The following PRDM15 variants were observed in gnomAD, a reference collection of about 807,000 sequenced individuals.
PRDM15 encodes PR/SET domain 15.
A neutral mutation model predicts 128.6 loss-of-function variants in PRDM15; 64 were observed. The ratio of observed to expected loss-of-function variants is 0.50; its 90% CI spans 0.41 to 0.61. The LOEUF (loss-of-function observed/expected upper bound fraction) is 0.61. Among genes scored for constraint, PRDM15 ranks in the 20% least tolerant of loss-of-function variants. The probability of loss-of-function intolerance (pLI) is 0.00; values close to 1 mark genes in which losing one functional copy is unlikely to be tolerated. For synonymous variants in PRDM15, 615 were observed against 621.8 expected (o/e 0.99, Z 0.16); for missense variants, 1,242 against 1,569.1 (o/e 0.79, Z 3.52).
At chr21:41,805,846 C>T (rs963544461) in intron 21 of PRDM15, among the ~76,000 whole-genome samples, 8 of 150,176 alleles carry the variant, frequency 5.3e-5, no homozygotes, top group Non-Finnish European at 8.9e-5. Context: ...ACCAACACAA[C>T]CACCTCCATC....
rs1350475346 is a variant in PRDM15 at position 41,836,607 on chromosome 21, GCTC to G, written c.1041_1043del (p.Arg347del). 1.9e-6 allele frequency: 3 copies of G among 1,613,186 alleles called. No individual in the cohort carries two copies. The highest frequency in any genetic ancestry group is 2.5e-6 in the Non-Finnish European group (3 of 1,179,702). ...TGCCGTGTCTGCTTGAGAGAATTAAGCTCCTCTTGAGCGTGATGGTGTTATTCT... is the reference window on the plus strand; with the variant it reads ...TGCCGTGTCTGCTTGAGAGAATTAAGCTCTTGAGCGTGATGGTGTTATTCT... On this transcript the variant is annotated inframe_deletion, in exon 9 of 24. Transcript: ENST00000398548.
chr21:41,876,289 T>C (rs1013651696), intron 1 of PRDM15, among the ~76,000 whole-genome samples: 6 of 152,172 alleles, frequency 3.9e-5, no homozygotes, highest in Admixed American at 6.5e-5. Context: ...TCAGTTCACA[T>C]AGCATGGACA....
At position 41,821,519 on chromosome 21, in the gene PRDM15, G is replaced by GGGA. The variant is rs550633583; in HGVS notation, c.1897-292_1897-290dup. ...CTCGTGAGGGCTTCAGGCCTCAGCA[G>GGGA]GGAGGAGGAGGGGGAGGAGAGAAGG... On this transcript the variant is annotated intron_variant, in intron 15 of 23. Transcript: ENST00000398548. The surrounding 1 kb of genome is among the most constrained non-coding windows in gnomAD (Gnocchi z 5.4). 6.6e-6 allele frequency among the ~76,000 whole-genome samples: 1 copy of GGGA among 152,132 alleles called. No individual in the cohort carries two copies. The highest frequency in any genetic ancestry group is 1.5e-5 in the Non-Finnish European group (1 of 68,016).
intron 5 of PRDM15, among the ~76,000 whole-genome samples, chr21:41,850,855 T>C (rs922166982): frequency 2.0e-5 from 3 of 152,238 alleles, no homozygotes; most frequent in Non-Finnish European, 4.4e-5. Flanking sequence ...AAGTTTTCTC[T>C]GTATTTAGAA....
At chr21:41,836,376 G>A (rs556782452) in intron 9 of PRDM15, 92 bp downstream of exon 9, 105 of 1,397,938 alleles carry the variant, frequency 7.5e-5, no homozygotes, top group Admixed American at 1.2e-4. Context: ...CGTGGGAGAC[G>A]ACCCAAGGAG....
rs1375067362 is a variant in PRDM15 at position 41,858,534 on chromosome 21, T to G, written c.131+1058A>C. The stretch of plus-strand genomic sequence containing the variant: ...AGGCCCCTCCGACAGAGGCGGACAT[T>G]GGGTGCCCAGAGCACAGGCCTCTCC... On this transcript the variant is annotated intron_variant, in intron 3 of 23. Transcript: ENST00000398548. Among the ~76,000 whole-genome samples, 7 of 132,048 alleles carry G rather than the reference T, an allele frequency of 5.3e-5. No individual in the cohort carries two copies. In the East Asian group the frequency reaches 7.2e-4, roughly 14 times the overall value. 86.6% of individuals were successfully genotyped at this position (132,048 alleles called of 152,430 possible).
rs2063534034 is a variant in PRDM15 at position 41,854,891 on chromosome 21, G to A, written c.286-73C>T. ...CCATCTGTGTATCAGCGTGTGGGGG[G>A]CAGGTGCTGAGGAACCCATCTAGAC... On this transcript the variant is annotated intron_variant, in intron 4 of 23. Coordinates refer to ENST00000398548, the MANE Select transcript of PRDM15 (RefSeq NM_001040424.3). The surrounding 1 kb of genome is among the most constrained non-coding windows in gnomAD (Gnocchi z 4.6). 5.3e-6 allele frequency: 8 copies of A among 1,517,768 alleles called. No individual in the cohort carries two copies. The highest frequency in any genetic ancestry group is 7.1e-6 in the Non-Finnish European group (8 of 1,126,620). 94.0% of individuals were successfully genotyped at this position (1,517,768 alleles called of 1,614,324 possible). A position where few individuals can be genotyped will look rare whatever the true frequency, so the allele number is the denominator to read the frequency against.
At chr21:41,834,357 G>C in intron 11 of PRDM15, 1 of 709,812 alleles carries the variant, frequency 1.4e-6, no homozygotes, top group African/African-American at 1.7e-5. Flanking sequence ...ATGTGCGACA[G>C]CCCTGGTCAG....
intron 1 of PRDM15, among the ~76,000 whole-genome samples, chr21:41,874,525 A>ATATATATATTTTT: frequency 5.7e-4 from 55 of 95,808 alleles, no homozygotes; most frequent in Non-Finnish European, 8.8e-4. Flanking sequence ...ATATATATAT[A>ATATATATATTTTT]TTTTTTTTTT....
At chr21:41,866,854 A>G (rs180995939) in intron 1 of PRDM15, among the ~76,000 whole-genome samples, 1,548 of 152,310 alleles carry the variant, frequency 0.01, 21 homozygotes, top group African/African-American at 0.035. Context: ...GGTAGAGCCC[A>G]GATCCGGCTG....
intron 11 of PRDM15, among the ~76,000 whole-genome samples, chr21:41,835,236 C>CT (rs1251092570): frequency 6.6e-6 from 1 of 152,202 alleles, no homozygotes; most frequent in Non-Finnish European, 1.5e-5. Context: ...AAATCAATCC[C>CT]TTTTTACTGG....
Position 41,821,825 on chromosome 21 carries a change from C to A in PRDM15, c.1896+78G>T. The A allele has an allele frequency of 6.4e-7, 1 of 1,566,540 alleles. No homozygotes were observed. Among genetic ancestry groups the A allele is most frequent in the South Asian group, 1.1e-5 (1 of 89,622 alleles). ...CTTCCGAGATGCATGAAGGTGCCTG[C>A]TGTGTGGGGCCCACAGCCTTGAAAC... On this transcript the variant is annotated intron_variant, in intron 15 of 23. Coordinates refer to ENST00000398548, the MANE Select transcript of PRDM15 (RefSeq NM_001040424.3). This position sits in a 1 kb window ranked among gnomAD's most constrained non-coding sequence, Gnocchi z 5.4.
intron 13 of PRDM15, among the ~76,000 whole-genome samples, chr21:41,825,132 G>A (rs1215148545): frequency 6.6e-6 from 1 of 152,252 alleles, no homozygotes; most frequent in African/African-American, 2.4e-5. Context: ...TTTGCATCCT[G>A]TGAGGGACAG....
At chr21:41,808,240 T>G (rs2061743205) in intron 21 of PRDM15, among the ~76,000 whole-genome samples, 1 of 152,134 alleles carries the variant, frequency 6.6e-6, no homozygotes, top group Non-Finnish European at 1.5e-5. Flanking sequence ...CGCTTCGGGT[T>G]CCTACTCCCC....
Position 41,859,141 on chromosome 21 carries a change from C to G in PRDM15, c.131+451G>C. The G allele has an allele frequency of 6.2e-7, 1 of 1,613,362 alleles. No homozygotes were observed. Among genetic ancestry groups the G allele is most frequent in the Non-Finnish European group, 8.5e-7 (1 of 1,179,910 alleles). On this transcript the variant is annotated intron_variant, in intron 3 of 23. Coordinates refer to ENST00000398548, the MANE Select transcript of PRDM15 (RefSeq NM_001040424.3). This position sits in a 1 kb window ranked among gnomAD's most constrained non-coding sequence, Gnocchi z 5.3. Reference sequence around the variant, plus strand: ...GGCCTGCAGGGACTGCTTCTGGAAGCTGCTGTGGGTCAGCCCTGTCCCTGT... The same window carrying G: ...GGCCTGCAGGGACTGCTTCTGGAAGGTGCTGTGGGTCAGCCCTGTCCCTGT...
intron 1 of PRDM15, 63 bp from the exon 2 acceptor site, chr21:41,860,435 T>G: frequency 4.1e-6 from 6 of 1,476,420 alleles, no homozygotes; most frequent in Non-Finnish European, 5.7e-6. Context: ...TTGTTTTGTT[T>G]TTGAAATTGA....
chr21:41,836,025 T>A (rs1406996518), intron 10 of PRDM15, 88 bp downstream of exon 10: 3 of 591,120 alleles, frequency 5.1e-6, no homozygotes, highest in Non-Finnish European at 8.1e-6. Flanking sequence ...CCTGGGATTC[T>A]TTCTTCTCAT....
At chr21:41,855,369 C>A (rs2063547359) in intron 4 of PRDM15, among the ~76,000 whole-genome samples, 1 of 152,188 alleles carries the variant, frequency 6.6e-6, no homozygotes, top group African/African-American at 2.4e-5. Context: ...AGGCAGGCAG[C>A]AGGGAGAAAA....
chr21:41,879,329 G>A lies in PRDM15; in HGVS notation c.-69C>T. On this transcript the variant is annotated 5_prime_UTR_variant, in exon 1 of 24. Transcript: ENST00000398548. The surrounding 1 kb of genome is among the most constrained non-coding windows in gnomAD (Gnocchi z 5.1). ...GGACTCCGGGTTGCGATCCGCTCCG[G>A]AAACTGCGCAGCACCGGAAGCCGGG... 1 of 1,098,374 alleles carries A rather than the reference G, an allele frequency of 9.1e-7. No homozygotes were observed. The highest frequency in any genetic ancestry group is 1.1e-6 in the Non-Finnish European group (1 of 893,322). The allele number at this position is 1,098,374 out of a possible 1,614,324, so 68.0% of individuals were successfully genotyped here. A position where few individuals can be genotyped will look rare whatever the true frequency, so the allele number is the denominator to read the frequency against.
Sources: allele counts gnomAD v4.1 joint callset (sites outside exome capture counted in the v4.1 genomes callset), GRCh38; gene constraint gnomAD v4.1.1; non-coding constraint Gnocchi (gnomAD v3.1); transcripts MANE v1.5; gene names NCBI Gene and HGNC (gene_info 2026-07-23, HGNC 2026-07-21).